The following IL1RAPL1 variants were observed in gnomAD, a reference collection of about 807,000 sequenced individuals.
IL1RAPL1 encodes interleukin 1 receptor accessory protein like 1.
IL1RAPL1 carries 3 observed loss-of-function variants against 48.4 expected under a neutral mutation model. The observed-to-expected ratio is 0.06, with a 90% CI of 0.03 to 0.16. IL1RAPL1 has a LOEUF of 0.16. Ranked by LOEUF, IL1RAPL1 falls within the 10% of genes least tolerant of loss-of-function variation. The pLI is 1.00. For synonymous variants in IL1RAPL1, 185 were observed against 187.7 expected (o/e 0.99, Z 0.12); for missense variants, 349 against 530.6 (o/e 0.66, Z 3.36).
chrX:29,038,856 A>T (rs754089015), intron 2 of IL1RAPL1, among the ~76,000 whole-genome samples: 9 of 110,525 alleles, frequency 8.1e-5, no homozygotes, highest in East Asian at 2.9e-4. Flanking sequence ...ATTCTTTCTT[A>T]AAAAAAAACT....
chrX:29,082,761 A>G lies in IL1RAPL1; in HGVS notation c.83-200177A>G, dbSNP rs773130116. On this transcript the variant is annotated intron_variant, in intron 2 of 10. Coordinates refer to ENST00000378993, the MANE Select transcript of IL1RAPL1 (RefSeq NM_014271.4). Reference sequence around the variant, plus strand: ...AAGTGTGAAGATTGCGGCAGGTGTTATGAGTCAGCACACAGCATAAGCAAA... The same window carrying G: ...AAGTGTGAAGATTGCGGCAGGTGTTGTGAGTCAGCACACAGCATAAGCAAA... Among the ~76,000 whole-genome samples the G allele has an allele frequency of 8.9e-5, 10 of 111,804 alleles. No homozygotes were observed. In the South Asian group the frequency reaches 1.1e-3, roughly 13 times the overall value.
intron 2 of IL1RAPL1, among the ~76,000 whole-genome samples, chrX:28,925,327 G>T (rs2147339752): frequency 9.0e-6 from 1 of 111,548 alleles, no homozygotes; most frequent in African/African-American, 3.3e-5. Flanking sequence ...TTAGTTTGAA[G>T]AACTAAATCA....
chrX:29,278,897 T>A (rs1932157055), intron 2 of IL1RAPL1, among the ~76,000 whole-genome samples: 1 of 112,255 alleles, frequency 8.9e-6, no homozygotes, highest in African/African-American at 3.2e-5. Context: ...GCTATATTTT[T>A]AAAGTCTTTA....
intron 8 of IL1RAPL1, among the ~76,000 whole-genome samples, chrX:29,929,675 T>C: frequency 8.9e-6 from 1 of 111,821 alleles, no homozygotes; most frequent in Non-Finnish European, 1.9e-5. Context: ...TTACAATGGT[T>C]GCCAAATTCA....
At chrX:29,910,953 C>T (rs1313587676) in intron 6 of IL1RAPL1, among the ~76,000 whole-genome samples, 2 of 111,324 alleles carry the variant, frequency 1.8e-5, no homozygotes, top group Non-Finnish European at 3.8e-5. Context: ...CTTTGAAAAC[C>T]AATTTGTTAT....
intron 3 of IL1RAPL1, among the ~76,000 whole-genome samples, chrX:29,391,790 G>A (rs1215522605): frequency 1.8e-5 from 2 of 111,549 alleles, no homozygotes. Context: ...TGCTAACCCA[G>A]CACCAATTGC....
intron 3 of IL1RAPL1, among the ~76,000 whole-genome samples, chrX:29,389,688 A>G (rs1238522925): frequency 8.9e-6 from 1 of 112,572 alleles, no homozygotes; most frequent in African/African-American, 3.2e-5. Context: ...ATCACTTTCT[A>G]CTAAAAAAGA....
intron 2 of IL1RAPL1, among the ~76,000 whole-genome samples, chrX:28,912,394 A>G (rs778062167): frequency 9.0e-6 from 1 of 110,968 alleles, no homozygotes; most frequent in Non-Finnish European, 1.9e-5. Flanking sequence ...TCAAACAGTT[A>G]GGATGTGGCA....
At chrX:28,658,601 A>G (rs1275585638) in intron 1 of IL1RAPL1, among the ~76,000 whole-genome samples, 1 of 110,629 alleles carries the variant, frequency 9.0e-6, no homozygotes, top group Admixed American at 9.6e-5. Flanking sequence ...GAAGACAGAC[A>G]ACATTCAAAA....
In IL1RAPL1 at chrX:29,609,408, G is replaced by A. The variant is rs140813100; in HGVS notation, c.704-59022G>A. 1.1e-4 allele frequency among the ~76,000 whole-genome samples: 12 copies of A among 111,722 alleles called. No individual in the cohort carries two copies. The East Asian group carries it at 3.4e-3, about 31-fold the overall frequency. On this transcript the variant is annotated intron_variant, in intron 5 of 10. Transcript: ENST00000378993. ...CCTTATACACAAACTTCCCTATAAG[G>A]CCAACTGGATGAGTTTCCTGTATTT...
intron 2 of IL1RAPL1, among the ~76,000 whole-genome samples, chrX:28,915,710 A>G (rs1307409670): frequency 1.8e-5 from 2 of 111,234 alleles, no homozygotes; most frequent in East Asian, 2.8e-4. Flanking sequence ...TTTATTATCT[A>G]TAAATGAGAT....
chrX:29,187,422 T>A (rs910873606), intron 2 of IL1RAPL1, among the ~76,000 whole-genome samples: 4 of 110,932 alleles, frequency 3.6e-5, no homozygotes, highest in Non-Finnish European at 7.6e-5. Flanking sequence ...CTCATGGCAA[T>A]AAAAACTCCC....
At chrX:29,611,302 C>T (rs1306818303) in intron 5 of IL1RAPL1, among the ~76,000 whole-genome samples, 1 of 111,907 alleles carries the variant, frequency 8.9e-6, no homozygotes. Context: ...TTGGTTTCCA[C>T]AGTCTTATAC....
chrX:29,368,594 T>C (rs573195686), intron 3 of IL1RAPL1, among the ~76,000 whole-genome samples: 316 of 101,901 alleles, frequency 3.1e-3, no homozygotes, highest in South Asian at 5.9e-3. Flanking sequence ...TTCTTTCTTT[T>C]TTTTTTTTTT....
intron 2 of IL1RAPL1, among the ~76,000 whole-genome samples, chrX:28,930,268 T>A (rs1485748278): frequency 6.2e-5 from 7 of 112,399 alleles, no homozygotes; most frequent in East Asian, 2.8e-4. Context: ...TTAAAAAAAA[T>A]TTTATTTGCT....
chrX:29,942,635 G>A (rs1263310180), intron 9 of IL1RAPL1, among the ~76,000 whole-genome samples: 1 of 106,446 alleles, frequency 9.4e-6, no homozygotes, highest in African/African-American at 3.4e-5. Flanking sequence ...TTTTTTTTTA[G>A]TGAGGTGGAG....
At chrX:29,550,344 A>G (rs902870481) in intron 5 of IL1RAPL1, among the ~76,000 whole-genome samples, 3 of 110,630 alleles carry the variant, frequency 2.7e-5, no homozygotes, top group African/African-American at 6.6e-5. Context: ...GGCGCCCGCC[A>G]CCACGCCCGG....
chrX:29,066,144 A>G (rs1364347971), intron 2 of IL1RAPL1, among the ~76,000 whole-genome samples: 4 of 111,995 alleles, frequency 3.6e-5, no homozygotes. Flanking sequence ...ATACTTTATT[A>G]TAGCAACTGT....
At chrX:29,331,653 G>C (rs928459544) in intron 3 of IL1RAPL1, among the ~76,000 whole-genome samples, 1 of 112,200 alleles carries the variant, frequency 8.9e-6, no homozygotes, top group East Asian at 2.8e-4. Context: ...TTTCGCATCT[G>C]TTGTAACATG....
Sources: gnomAD v4.1 joint callset for allele counts (sites outside exome capture counted in the v4.1 genomes callset) on GRCh38, gnomAD v4.1.1 for gene constraint, MANE v1.5 for transcripts, NCBI Gene and HGNC (gene_info 2026-07-23, HGNC 2026-07-21) for gene names.